Variants in DYNC1I1 observed in about 807,000 individuals in gnomAD.
The protein encoded by DYNC1I1 is cytoplasmic dynein 1 intermediate chain 1.
DYNC1I1 carries 43 observed loss-of-function variants against 86.6 expected under a neutral mutation model. The observed-to-expected ratio is 0.50, with a 90% CI of 0.39 to 0.64. DYNC1I1 has a LOEUF of 0.64. DYNC1I1 is among the 30% of genes least tolerant of loss of function. The pLI is 0.00. For synonymous variants in DYNC1I1, 262 were observed against 283.7 expected, an observed-to-expected ratio of 0.92 and a Z score of 0.77; for missense variants, 604 against 788.8, an observed-to-expected ratio of 0.77 and a Z score of 2.81.
chr7:95,937,987 C>T (rs1792094354), intron 6 of DYNC1I1, among the ~76,000 whole-genome samples: 1 of 152,018 alleles, frequency 6.6e-6, no homozygotes, highest in Non-Finnish European at 1.5e-5. Context: ...TTATTGTACC[C>T]ATCTCCTCCA....
intron 6 of DYNC1I1, among the ~76,000 whole-genome samples, chr7:95,967,236 A>G (rs1793038828): frequency 6.6e-6 from 1 of 152,192 alleles, no homozygotes; most frequent in African/African-American, 2.4e-5. Context: ...TAAACATAAT[A>G]GTTCTTTGAT....
At chr7:95,999,261 T>C (rs1793952085) in intron 10 of DYNC1I1, among the ~76,000 whole-genome samples, 2 of 152,220 alleles carry the variant, frequency 1.3e-5, no homozygotes, top group Admixed American at 1.3e-4. Flanking sequence ...CAGAAATATA[T>C]ACCTTAGAAT....
intron 1 of DYNC1I1, among the ~76,000 whole-genome samples, chr7:95,774,015 G>A (rs1355429222): frequency 6.6e-6 from 1 of 152,134 alleles, no homozygotes; most frequent in Admixed American, 6.5e-5. Context: ...TGTGGAAAAA[G>A]GGGTCCTAAC....
chr7:95,947,902 G>A (rs1298046797), intron 6 of DYNC1I1, among the ~76,000 whole-genome samples: 1 of 151,496 alleles, frequency 6.6e-6, no homozygotes, highest in Non-Finnish European at 1.5e-5. Context: ...TAAGGAGTTT[G>A]CCCTGTTGCA....
intron 6 of DYNC1I1, among the ~76,000 whole-genome samples, chr7:95,909,884 T>C (rs1329600038): frequency 6.6e-6 from 1 of 152,124 alleles, no homozygotes; most frequent in Non-Finnish European, 1.5e-5. Flanking sequence ...TTACCTGGAC[T>C]GAGCCTCGTT....
intron 6 of DYNC1I1, among the ~76,000 whole-genome samples, chr7:95,907,774 G>GT (rs36104830): frequency 0.014 from 1,988 of 139,234 alleles, 39 homozygotes; most frequent in African/African-American, 0.043. Context: ...TCAATCAACT[G>GT]TTTTTTTTTT....
intron 10 of DYNC1I1, among the ~76,000 whole-genome samples, chr7:96,010,120 A>G (rs967226262): frequency 3.9e-5 from 6 of 152,166 alleles, no homozygotes; most frequent in Non-Finnish European, 7.3e-5. Flanking sequence ...AATGATAAAT[A>G]CGACCTGTTC....
rs754373412 is a variant in DYNC1I1 at position 95,869,879 on chromosome 7, A to G, written c.375-4A>G. On this transcript the variant is annotated splice_region_variant and splice_polypyrimidine_tract_variant and intron_variant, in intron 5 of 16. Transcript: ENST00000447467. ...TCTAAGCATTTATTCTTTGTTACTT[A>G]CAGAAGAAGACTGCATAAACTGGGC... The G allele has an allele frequency of 6.2e-7, 1 of 1,612,340 alleles. No homozygotes were observed. Among genetic ancestry groups the G allele is most frequent in the East Asian group, 2.2e-5 (1 of 44,834 alleles).
intron 16 of DYNC1I1, chr7:96,109,897 T>C (rs997337583): frequency 2.4e-5 from 5 of 208,756 alleles, no homozygotes; most frequent in Non-Finnish European, 3.0e-5. Flanking sequence ...ATGAATTAGG[T>C]CTATTATTTG....
Position 95,810,384 on chromosome 7 carries a change from A to G in DYNC1I1, c.109-8A>G, listed in dbSNP as rs1404097373. ...TTATTAACTTTTCTTACTGACGTCT[A>G]CTTCTAGGCTGATATGCAGCAGAAG... On this transcript the variant is annotated splice_polypyrimidine_tract_variant and splice_region_variant and intron_variant, in intron 2 of 16. Transcript: ENST00000447467. 8 of 1,589,096 alleles carry G rather than the reference A, an allele frequency of 5.0e-6. No homozygotes were observed. Among genetic ancestry groups the G allele is most frequent in the Non-Finnish European group, 5.1e-6 (6 of 1,169,626 alleles).
chr7:96,012,901 T>A (rs1794309591), intron 10 of DYNC1I1, among the ~76,000 whole-genome samples: 1 of 152,100 alleles, frequency 6.6e-6, no homozygotes, highest in East Asian at 1.9e-4. Context: ...TTTTTTTAAA[T>A]TTTTTCCATA....
At chr7:96,108,268 G>A (rs139480564) in intron 16 of DYNC1I1, among the ~76,000 whole-genome samples, 10 of 152,162 alleles carry the variant, frequency 6.6e-5, no homozygotes, top group East Asian at 1.9e-4. Context: ...GTCCTGCAAC[G>A]AACCCATTGG....
intron 1 of DYNC1I1, among the ~76,000 whole-genome samples, chr7:95,794,274 G>A (rs1794380879): frequency 6.6e-6 from 1 of 152,062 alleles, no homozygotes; most frequent in Non-Finnish European, 1.5e-5. Flanking sequence ...CTGCTCTCTA[G>A]TTGTCCAAAC....
chr7:95,990,522 G>A (rs189553003), intron 9 of DYNC1I1, among the ~76,000 whole-genome samples: 12 of 152,230 alleles, frequency 7.9e-5, no homozygotes, highest in African/African-American at 1.4e-4. Flanking sequence ...AGGAAACAGC[G>A]TCTTACTGGT....
chr7:96,083,911 T>C (rs1188647392), intron 16 of DYNC1I1, among the ~76,000 whole-genome samples: 1 of 152,208 alleles, frequency 6.6e-6, no homozygotes, highest in Non-Finnish European at 1.5e-5. Flanking sequence ...AGATAAGCTT[T>C]GTAATACAAT....
chr7:95,801,318 A>G, intron 1 of DYNC1I1, among the ~76,000 whole-genome samples: 1 of 152,234 alleles, frequency 6.6e-6, no homozygotes, highest in East Asian at 1.9e-4. Flanking sequence ...TAAATGATCA[A>G]CTTTGTAAGA....
intron 10 of DYNC1I1, among the ~76,000 whole-genome samples, chr7:96,001,751 G>C (rs1180393754): frequency 6.6e-6 from 1 of 151,968 alleles, no homozygotes; most frequent in African/African-American, 2.4e-5. Context: ...TATCCTATCA[G>C]GTCCCTACCG....
intron 6 of DYNC1I1, among the ~76,000 whole-genome samples, chr7:95,953,022 C>T (rs979066149): frequency 1.3e-5 from 2 of 150,740 alleles, no homozygotes; most frequent in African/African-American, 4.9e-5. Context: ...TTTTATTTTG[C>T]ATGGTAAAGA....
At chr7:95,872,614 T>C (rs763436457) in intron 6 of DYNC1I1, among the ~76,000 whole-genome samples, 7 of 152,162 alleles carry the variant, frequency 4.6e-5, no homozygotes, top group Admixed American at 6.5e-5. Context: ...TGATCTGTTA[T>C]GAGAAACACT....
Sources: gnomAD v4.1 joint callset for allele counts (sites outside exome capture counted in the v4.1 genomes callset) on GRCh38, gnomAD v4.1.1 for gene constraint, MANE v1.5 for transcripts, NCBI Gene and HGNC (gene_info 2026-07-23, HGNC 2026-07-21) for gene names.